KLHL14: variants seen among roughly 807,000 people sequenced by gnomAD.
KLHL14 encodes the protein kelch-like protein 14.
Under a neutral mutation model 64.3 loss-of-function variants are expected in KLHL14, and 22 were observed. The observed-to-expected ratio is 0.34, with a 90% confidence interval of 0.24 to 0.49. The LOEUF is 0.49. Ranked by LOEUF, KLHL14 falls within the 20% of genes least tolerant of loss-of-function variation. The pLI, the probability that KLHL14 is intolerant of heterozygous loss-of-function variation, is 0.99. For missense variants in KLHL14, 661 were observed against 789.0 expected (o/e 0.84, Z 1.94); for synonymous variants, 322 against 333.4 (o/e 0.97, Z 0.37).
At chr18:32,751,681 A>G (rs183993044) in intron 2 of KLHL14, among the ~76,000 whole-genome samples, 41 of 152,300 alleles carry the variant, frequency 2.7e-4, no homozygotes, top group Admixed American at 2.2e-3. Flanking sequence ...TTTTCCTAAG[A>G]TGGAAGTAAC....
chr18:32,717,311 T>A (rs931414632), intron 3 of KLHL14, among the ~76,000 whole-genome samples: 8 of 152,188 alleles, frequency 5.3e-5, no homozygotes, highest in Non-Finnish European at 7.3e-5. Context: ...GGGGAAGAAA[T>A]TCCTCATGGT....
In KLHL14 at chr18:32,683,520, T is replaced by C. The variant is rs550409588; in HGVS notation, c.1239-2921A>G. 6.6e-6 allele frequency among the ~76,000 whole-genome samples: 1 copy of C among 152,224 alleles called. No homozygotes were observed. The highest frequency in any genetic ancestry group is 6.5e-5 in the Admixed American group (1 of 15,294). On this transcript the variant is annotated intron_variant, in intron 5 of 8. Transcript: ENST00000359358. This position sits in a 1 kb window ranked among gnomAD's most constrained non-coding sequence, Gnocchi z 4.2. ...GCCCCTCTTCGCCACATGAAGAACA[T>C]ATAAGGTTCAGGCTATTTTATTTTG...
intron 2 of KLHL14, among the ~76,000 whole-genome samples, chr18:32,762,494 T>G (rs1228592772): frequency 2.0e-5 from 3 of 152,252 alleles, no homozygotes; most frequent in Non-Finnish European, 4.4e-5. Flanking sequence ...CTCATTACCC[T>G]ATAATTTATT....
rs191800531 is a variant in KLHL14 at position 32,758,641 on chromosome 18, T to C, written c.947+11004A>G. On this transcript the variant is annotated intron_variant, in intron 2 of 8. Transcript: ENST00000359358. ...CATATGTCCATACAAAAAACTTGTA[T>C]AGGAATGCTCAGGGCAGCATTATTC... 7.3e-4 allele frequency among the ~76,000 whole-genome samples: 111 copies of C among 152,286 alleles called. 1 individual carries two copies. Among genetic ancestry groups the C allele is most frequent in the African/African-American group, 2.6e-3 (110 of 41,546 alleles).
At chr18:32,763,777 C>G (rs977576306) in intron 2 of KLHL14, among the ~76,000 whole-genome samples, 3 of 152,148 alleles carry the variant, frequency 2.0e-5, no homozygotes, top group African/African-American at 7.2e-5. Flanking sequence ...AAGTGTCTAT[C>G]TCAATTATAT....
chr18:32,696,401 G>A lies in KLHL14; in HGVS notation c.1070-849C>T, dbSNP rs529845216. ...CTCCTGTCTCCTTTTGTGCTGTGCA[G>A]TGTTAGTGTCTGCTACAATAATATC... On this transcript the variant is annotated intron_variant, in intron 3 of 8. Coordinates refer to ENST00000359358, the MANE Select transcript of KLHL14 (RefSeq NM_020805.3). Among the ~76,000 whole-genome samples the A allele has an allele frequency of 1.2e-4, 18 of 152,324 alleles. No individual in the cohort carries two copies. The South Asian group carries it at 3.7e-3, about 32-fold the overall frequency.
intron 3 of KLHL14, among the ~76,000 whole-genome samples, chr18:32,724,325 C>G (rs1471219348): frequency 2.0e-5 from 3 of 152,118 alleles, no homozygotes; most frequent in Admixed American, 1.3e-4. Flanking sequence ...AAAGTGCTTT[C>G]CAACTGTGAA....
At chr18:32,746,506 G>A (rs185464072) in intron 2 of KLHL14, among the ~76,000 whole-genome samples, 119 of 152,288 alleles carry the variant, frequency 7.8e-4, no homozygotes, top group Non-Finnish European at 1.1e-3. Context: ...TCTAAGTACT[G>A]TAAAATCTCA....
chr18:32,772,325 G>A (rs888511050), intron 1 of KLHL14: 10 of 274,196 alleles, frequency 3.6e-5, no homozygotes, highest in Admixed American at 2.4e-4. Context: ...TCCGCCGGCA[G>A]CACCCCCACG....
In KLHL14 at chr18:32,769,932, C is replaced by T. The variant is rs1302476507; in HGVS notation, c.660G>A (p.Glu220=). ...GCAGCGAGTCCAGCAGGGCGCGCAT[C>T]TCCTCGAAGTTGAGCAGCAGCACAT... The part of the protein sequence containing the change: ...VEDVLLLNFE[E]MRALLDSLPP... Residue 220 remains glutamate (E), a synonymous_variant, in exon 2 of 9, where the codon GAG becomes GAA. Transcript: ENST00000359358. 6.2e-7 allele frequency: 1 copy of T among 1,614,192 alleles called. No individual in the cohort carries two copies.
intron 3 of KLHL14, among the ~76,000 whole-genome samples, chr18:32,696,994 C>T (rs560992533): frequency 1.8e-4 from 28 of 152,176 alleles, no homozygotes; most frequent in East Asian, 3.9e-4. Flanking sequence ...ATCCACAAGG[C>T]GGAAGGCATT....
In KLHL14 at chr18:32,687,170, G is replaced by A. The variant is rs768250818; in HGVS notation, c.1223C>T (p.Pro408Leu). ...AAACACTTACCTTTCCTGCATGGGTGGAAGTTGAATCCAGCTATTAAATCG... is the reference window on the plus strand; with the variant it reads ...AAACACTTACCTTTCCTGCATGGGTAGAAGTTGAATCCAGCTATTAAATCG... ...DPRFNSWIQL[P>L]PMQERRASFY... Residue 408 changes from proline (P) to leucine (L), a missense_variant, in exon 5 of 9, where the codon CCA (proline) becomes CTA (leucine). Transcript: ENST00000359358. The A allele has an allele frequency of 2.5e-6, 4 of 1,613,688 alleles. No individual in the cohort carries two copies. Among genetic ancestry groups the A allele is most frequent in the East Asian group, 4.5e-5 (2 of 44,854 alleles).
At chr18:32,724,703 A>G (rs2050098494) in intron 3 of KLHL14, among the ~76,000 whole-genome samples, 1 of 152,238 alleles carries the variant, frequency 6.6e-6, no homozygotes, top group Non-Finnish European at 1.5e-5. Flanking sequence ...GCCTCAAGCC[A>G]TTAGAGGTGC....
At chr18:32,676,202 C>T (rs2049810673) in intron 8 of KLHL14, among the ~76,000 whole-genome samples, 1 of 152,126 alleles carries the variant, frequency 6.6e-6, no homozygotes, top group Admixed American at 6.5e-5. Context: ...CTCTAACTTC[C>T]AGTCTCCAGA....
chr18:32,765,595 G>A (rs1389004889), intron 2 of KLHL14, among the ~76,000 whole-genome samples: 2 of 152,034 alleles, frequency 1.3e-5, no homozygotes, highest in African/African-American at 4.8e-5. Context: ...TGATATAAAG[G>A]GAAGTAACAA....
chr18:32,763,134 C>G (rs1479825896), intron 2 of KLHL14, among the ~76,000 whole-genome samples: 3 of 144,482 alleles, frequency 2.1e-5, no homozygotes, highest in Admixed American at 1.4e-4. Flanking sequence ...CATAGTTAAA[C>G]AGAAATTTCT....
chr18:32,730,139 A>G (rs185198028), intron 3 of KLHL14, among the ~76,000 whole-genome samples: 96 of 152,364 alleles, frequency 6.3e-4, no homozygotes, highest in African/African-American at 2.2e-3. Context: ...AAACTGGCTT[A>G]TATCTAATGA....
chr18:32,686,732 T>TATTGAATATTGAATTTAATATTAAATA (rs2049881081), intron 5 of KLHL14, among the ~76,000 whole-genome samples: 3 of 152,180 alleles, frequency 2.0e-5, no homozygotes, highest in African/African-American at 7.2e-5. Context: ...TGAATTTTAA[T>TATTGAATATTGAATTTAATATTAAATA]ATTGAATATT....
At chr18:32,696,171 T>C (rs1247383705) in intron 3 of KLHL14, among the ~76,000 whole-genome samples, 1 of 152,188 alleles carries the variant, frequency 6.6e-6, no homozygotes, top group Non-Finnish European at 1.5e-5. Flanking sequence ...TCTCTATCTA[T>C]CTGCTTAGGA....
Sources: allele counts gnomAD v4.1 joint callset (sites outside exome capture counted in the v4.1 genomes callset), GRCh38; gene constraint gnomAD v4.1.1; non-coding constraint Gnocchi (gnomAD v3.1); transcripts MANE v1.5; gene names NCBI Gene and HGNC (gene_info 2026-07-23, HGNC 2026-07-21).